The following AIG1 variants were observed in gnomAD, a reference collection of about 807,000 sequenced individuals.
The protein encoded by AIG1 is androgen induced 1, also known as androgen-induced gene 1 protein.
A neutral mutation model predicts 31.4 loss-of-function variants in AIG1; 23 were observed. The observed-to-expected ratio is 0.73, with a 90% CI of 0.53 to 1.04. The LOEUF (loss-of-function observed/expected upper bound fraction) is 1.04, where lower values mean the gene tolerates loss of function less well. Ranked by LOEUF, AIG1 falls within the 50% of genes least tolerant of loss-of-function variation. AIG1 has a pLI of 0.00. For synonymous variants in AIG1, 100 were observed against 110.5 expected (o/e 0.90, Z 0.60); for missense variants, 274 against 295.0 (o/e 0.93, Z 0.52).
At chr6:143,149,685 A>G (rs1785029429) in intron 2 of AIG1, among the ~76,000 whole-genome samples, 1 of 152,154 alleles carries the variant, frequency 6.6e-6, no homozygotes, top group Admixed American at 6.5e-5. Flanking sequence ...ACTGTTTCAC[A>G]CTGTAGAGCC....
chr6:143,242,520 C>A (rs540306627), intron 3 of AIG1, among the ~76,000 whole-genome samples: 1 of 152,160 alleles, frequency 6.6e-6, no homozygotes, highest in Non-Finnish European at 1.5e-5. Context: ...ATCACATGAC[C>A]ATAATCTCAC....
At chr6:143,278,595 A>C (rs981611083) in intron 3 of AIG1, among the ~76,000 whole-genome samples, 1 of 151,106 alleles carries the variant, frequency 6.6e-6, no homozygotes, top group Admixed American at 6.6e-5. Flanking sequence ...CAGCCTCCCA[A>C]CTAGCTAGGA....
intron 3 of AIG1, among the ~76,000 whole-genome samples, chr6:143,269,581 A>C (rs1796362557): frequency 6.6e-6 from 1 of 152,242 alleles, no homozygotes. Context: ...CAGTGTCATC[A>C]ATAACAGAAT....
chr6:143,073,879 C>T (rs957974304), intron 1 of AIG1, among the ~76,000 whole-genome samples: 14 of 152,212 alleles, frequency 9.2e-5, no homozygotes, highest in Admixed American at 2.6e-4. Context: ...TGGTGCTAAA[C>T]CATTCATGAG....
At chr6:143,109,797 C>T (rs1781114114) in intron 1 of AIG1, among the ~76,000 whole-genome samples, 1 of 152,274 alleles carries the variant, frequency 6.6e-6, no homozygotes, top group East Asian at 1.9e-4. Context: ...CAGTTATATA[C>T]ATGACAAATA....
intron 1 of AIG1, among the ~76,000 whole-genome samples, chr6:143,090,619 T>C (rs991496994): frequency 1.3e-5 from 2 of 152,262 alleles, no homozygotes; most frequent in Non-Finnish European, 2.9e-5. Flanking sequence ...TTTACTGTAA[T>C]CTACCAAGTG....
At chr6:143,311,127 T>C (rs1775238658) in intron 4 of AIG1, among the ~76,000 whole-genome samples, 1 of 151,776 alleles carries the variant, frequency 6.6e-6, no homozygotes, top group Non-Finnish European at 1.5e-5. Context: ...CCAAAACAAC[T>C]AGAGAAATAC....
chr6:143,262,288 G>T (rs1795835547), intron 3 of AIG1, among the ~76,000 whole-genome samples: 4 of 152,172 alleles, frequency 2.6e-5, no homozygotes, highest in Admixed American at 2.6e-4. Flanking sequence ...TTAAAACAGG[G>T]TGACATCATT....
chr6:143,243,657 A>T (rs1794412064), intron 3 of AIG1, among the ~76,000 whole-genome samples: 1 of 152,218 alleles, frequency 6.6e-6, no homozygotes, highest in South Asian at 2.1e-4. Context: ...GGTATTGTTA[A>T]AGTATTGATA....
downstream of AIG1, among the ~76,000 whole-genome samples, chr6:143,342,051 A>G (rs1777867828): frequency 6.6e-6 from 1 of 152,138 alleles, no homozygotes; most frequent in South Asian, 2.1e-4. Flanking sequence ...TCAACCTCCC[A>G]AGTAGCTGGG....
intron 4 of AIG1, among the ~76,000 whole-genome samples, chr6:143,307,577 T>C (rs1046202231): frequency 2.0e-5 from 3 of 151,936 alleles, no homozygotes; most frequent in African/African-American, 7.3e-5. Context: ...CTCAGAGGAG[T>C]ACCTGGCAGT....
chr6:143,248,990 C>T (rs1164851779), intron 3 of AIG1, among the ~76,000 whole-genome samples: 1 of 152,150 alleles, frequency 6.6e-6, no homozygotes, highest in Non-Finnish European at 1.5e-5. Flanking sequence ...CCAACCCCCA[C>T]TTATATTTAA....
chr6:143,228,730 C>T (rs903537121), intron 3 of AIG1, among the ~76,000 whole-genome samples: 1 of 152,194 alleles, frequency 6.6e-6, no homozygotes, highest in African/African-American at 2.4e-5. Context: ...GATGAATTGG[C>T]CCCAAGATGG....
At chr6:143,337,981 C>G (rs999960211) in intron 5 of AIG1, 2 of 398,662 alleles carry the variant, frequency 5.0e-6, no homozygotes, top group Non-Finnish European at 8.8e-6. Flanking sequence ...CTCACAGCTG[C>G]CAAACTAAAG....
At chr6:143,199,035 A>T (rs772597333) in intron 3 of AIG1, among the ~76,000 whole-genome samples, 1 of 152,196 alleles carries the variant, frequency 6.6e-6, no homozygotes, top group Non-Finnish European at 1.5e-5. Flanking sequence ...GAAACTAGGT[A>T]ATTCAGAAAT....
chr6:143,240,277 A>G (rs1269168519), intron 3 of AIG1, among the ~76,000 whole-genome samples: 2 of 152,210 alleles, frequency 1.3e-5, no homozygotes, highest in African/African-American at 4.8e-5. Context: ...GTAGTTTCAT[A>G]TTACAATAGG....
Position 143,268,404 on chromosome 6 carries a change from T to G in AIG1, c.400-15706T>G, listed in dbSNP as rs1796297413. Among the ~76,000 whole-genome samples the G allele has an allele frequency of 6.6e-6, 1 of 151,992 alleles. No individual in the cohort carries two copies. The highest frequency in any genetic ancestry group is 2.1e-4 in the South Asian group (1 of 4,806). On this transcript the variant is annotated intron_variant, in intron 3 of 5. Transcript: ENST00000357847. The surrounding 1 kb of genome is among the most constrained non-coding windows in gnomAD (Gnocchi z 5.0). ...GTGTGCCTTATTCAGCTGAATAAGG[T>G]GTTGAATAGCTACAAATTGATAACA... is the stretch of plus-strand genomic sequence containing the variant.
rs6904554 is a variant in AIG1, at chr6:143,211,622, G to C, written c.399+46439G>C. 9.4e-3 allele frequency among the ~76,000 whole-genome samples: 1,428 copies of C among 152,308 alleles called. 23 individuals carry two copies. The highest frequency in any genetic ancestry group is 0.032 in the African/African-American group (1,338 of 41,552). On this transcript the variant is annotated intron_variant, in intron 3 of 5. Transcript: ENST00000357847. ...AAGTTCCAACAATTGGCCAGGTGTGGTGGCTCATGCCTGTAATCCCAGCAC... is the reference window on the plus strand; with the variant it reads ...AAGTTCCAACAATTGGCCAGGTGTGCTGGCTCATGCCTGTAATCCCAGCAC...
intron 3 of AIG1, among the ~76,000 whole-genome samples, chr6:143,248,002 C>T (rs1294791472): frequency 6.6e-6 from 1 of 152,146 alleles, no homozygotes; most frequent in African/African-American, 2.4e-5. Flanking sequence ...ACTAATAACC[C>T]ATATTGGGTT....
Sources: allele counts gnomAD v4.1 joint callset (sites outside exome capture counted in the v4.1 genomes callset), GRCh38; gene constraint gnomAD v4.1.1; non-coding constraint Gnocchi (gnomAD v3.1); transcripts MANE v1.5; gene names NCBI Gene and HGNC (gene_info 2026-07-23, HGNC 2026-07-21).